Variants in INPP5D observed in about 807,000 individuals in gnomAD.
The protein encoded by INPP5D is phosphatidylinositol 3,4,5-trisphosphate 5-phosphatase 1.
INPP5D carries 33 observed loss-of-function variants against 122.9 expected under a neutral mutation model. That is an observed-to-expected ratio of 0.27 (90% CI 0.20 to 0.36). INPP5D has a LOEUF of 0.36. Ranked by LOEUF, INPP5D falls within the 10% of genes least tolerant of loss-of-function variation. The pLI is 1.00. For missense variants in INPP5D, 1,053 were observed against 1,412.7 expected, an observed-to-expected ratio of 0.75 and a Z score of 4.08; for synonymous variants, 584 against 576.2, an observed-to-expected ratio of 1.01 and a Z score of -0.19.
At chr2:233,061,370 G>T (rs112794938) in intron 1 of INPP5D, among the ~76,000 whole-genome samples, 1 of 152,090 alleles carries the variant, frequency 6.6e-6, no homozygotes, top group South Asian at 2.1e-4. Context: ...CCTGTCCAGC[G>T]TCTGAAGGAG....
intron 5 of INPP5D, among the ~76,000 whole-genome samples, chr2:233,131,426 G>A (rs1050787191): frequency 3.9e-5 from 6 of 152,120 alleles, no homozygotes; most frequent in African/African-American, 1.4e-4. Context: ...GCCGGGTGTG[G>A]TGGCTCACGC....
chr2:233,126,690 C>A (rs1052787277), intron 4 of INPP5D, among the ~76,000 whole-genome samples: 26 of 152,228 alleles, frequency 1.7e-4, no homozygotes, highest in African/African-American at 6.0e-4. Context: ...GAGGCCCAGG[C>A]GGGCAGATCA....
At chr2:233,185,676 G>A (rs997193050) in intron 20 of INPP5D, among the ~76,000 whole-genome samples, 167 bp from the exon 21 acceptor site, 2 of 145,790 alleles carry the variant, frequency 1.4e-5, no homozygotes, top group African/African-American at 2.6e-5. Flanking sequence ...CAGAATCCCC[G>A]GCAGGCCTGA....
intron 9 of INPP5D, among the ~76,000 whole-genome samples, chr2:233,150,247 T>G (rs1336129142): frequency 6.6e-6 from 1 of 152,134 alleles, no homozygotes; most frequent in East Asian, 1.9e-4. Flanking sequence ...TGGGATGAGT[T>G]TTTCCCATGC....
chr2:233,163,710 A>G lies in INPP5D; in HGVS notation c.1244A>G (p.Asn415Ser). The stretch of plus-strand genomic sequence containing the variant: ...GTGTTGGGTTTTGCTGTTGAAGGTA[A>G]CGCCCCCCCTCCCAAGAAGATCACG... Reference protein sequence around the residue: ...TIFIGTWNMGNAPPPKKITSW... With the variant: ...TIFIGTWNMGSAPPPKKITSW... Residue 415 changes from asparagine (N) to serine (S), a missense_variant, in exon 12 of 27, where the codon AAC becomes AGC. By Grantham distance (46) the Asn-to-Ser change is conservative. This residue lies in a region of INPP5D where 105 missense variants were observed against 199.8 expected (regional missense o/e 0.53). Transcript: ENST00000445964. 1 of 1,613,612 alleles carries G rather than the reference A, an allele frequency of 6.2e-7. No homozygotes were observed. The highest frequency in any genetic ancestry group is 1.1e-5 in the South Asian group (1 of 91,046).
intron 9 of INPP5D, among the ~76,000 whole-genome samples, chr2:233,148,386 G>A (rs1349467349): frequency 6.6e-6 from 1 of 152,230 alleles, no homozygotes; most frequent in Non-Finnish European, 1.5e-5. Context: ...TGTAGAAAGG[G>A]CAGACATGGA....
chr2:233,141,576 C>CA (rs1350704524), intron 6 of INPP5D: 5 of 148,390 alleles, frequency 3.4e-5, no homozygotes, highest in Admixed American at 1.4e-4. Flanking sequence ...CCATCTAAAA[C>CA]AGAAAAAAAA....
rs774459981 is a variant in INPP5D, at chr2:233,060,624, C to G, written c.134+12C>G. 7 of 1,613,412 alleles carry G rather than the reference C, an allele frequency of 4.3e-6. No homozygotes were observed. The African/African-American group carries it at 6.7e-5, about 15-fold the overall frequency. The stretch of plus-strand genomic sequence containing the variant: ...GCGCTCTGCGTGCTGTGAGTACAAC[C>G]TGCTCCCTCCCCGGGCACAGATATG... On this transcript the variant is annotated intron_variant, in intron 1 of 26. Coordinates refer to ENST00000445964, the MANE Select transcript of INPP5D (RefSeq NM_001017915.3).
Position 233,098,557 on chromosome 2 carries a change from C to T in INPP5D, c.198+19159C>T, listed in dbSNP as rs116340673. 1.9e-3 allele frequency among the ~76,000 whole-genome samples: 284 copies of T among 152,320 alleles called. 1 individual carries two copies. Among genetic ancestry groups the T allele is most frequent in the African/African-American group, 6.3e-3 (261 of 41,574 alleles). On this transcript the variant is annotated intron_variant, in intron 2 of 26. Coordinates refer to ENST00000445964, the MANE Select transcript of INPP5D (RefSeq NM_001017915.3). ...TCCTATAAAATCCACTCCTGGATCC[C>T]GGTTCTCCCCTCAGGAGATACATGG...
chr2:233,138,171 G>A (rs1050785895), intron 5 of INPP5D, among the ~76,000 whole-genome samples: 10 of 150,584 alleles, frequency 6.6e-5, no homozygotes, highest in Admixed American at 5.3e-4. Context: ...GCAACATGGC[G>A]AAGCCCCGTC....
At chr2:233,120,907 A>T (rs1692950203) in intron 2 of INPP5D, among the ~76,000 whole-genome samples, 1 of 152,144 alleles carries the variant, frequency 6.6e-6, no homozygotes, top group Admixed American at 6.5e-5. Flanking sequence ...ACTATAACAA[A>T]TGAAAAAAAT....
At chr2:233,094,437 C>T (rs1031197659) in intron 2 of INPP5D, among the ~76,000 whole-genome samples, 2 of 129,206 alleles carry the variant, frequency 1.5e-5, no homozygotes, top group Admixed American at 9.2e-5. Context: ...TGCTTGATCC[C>T]GGCAGGTAGA....
At chr2:233,159,580 G>A (rs900743458) in intron 10 of INPP5D, among the ~76,000 whole-genome samples, 22 of 149,352 alleles carry the variant, frequency 1.5e-4, no homozygotes, top group Non-Finnish European at 2.1e-4. Context: ...TGTAGTTTCA[G>A]CTACTTGGGA....
At chr2:233,152,868 G>A (rs1209946048) in intron 9 of INPP5D, among the ~76,000 whole-genome samples, 1 of 152,186 alleles carries the variant, frequency 6.6e-6, no homozygotes, top group South Asian at 2.1e-4. Context: ...TCAGCTGGGG[G>A]GGGTGTGGTG....
At position 233,100,591 on chromosome 2, in the gene INPP5D, G is replaced by A. The variant is rs897692094; in HGVS notation, c.198+21193G>A. 1.3e-5 allele frequency among the ~76,000 whole-genome samples: 2 copies of A among 152,168 alleles called. No homozygotes were observed. The highest frequency in any genetic ancestry group is 4.8e-5 in the African/African-American group (2 of 41,430). ...CCCCCATGGACTCATGGGCACCCCCGGTTGAGCTCGCTCACCCAGAGCTCT... is the reference window on the plus strand; with the variant it reads ...CCCCCATGGACTCATGGGCACCCCCAGTTGAGCTCGCTCACCCAGAGCTCT... On this transcript the variant is annotated intron_variant, in intron 2 of 26. Transcript: ENST00000445964. This position sits in a 1 kb window ranked among gnomAD's most constrained non-coding sequence, Gnocchi z 5.3.
intron 14 of INPP5D, chr2:233,169,808 C>T: frequency 1.3e-6 from 1 of 755,574 alleles, no homozygotes; most frequent in Admixed American, 2.9e-5. Context: ...GTCCCCTGCC[C>T]TCTGTACACC....
In INPP5D at chr2:233,120,667, C is replaced by G. The variant is rs541225599; in HGVS notation, c.199-1440C>G. On this transcript the variant is annotated intron_variant, in intron 2 of 26. Coordinates refer to ENST00000445964, the MANE Select transcript of INPP5D (RefSeq NM_001017915.3). Reference sequence around the variant, plus strand: ...CCTACCAACAGCCTGACCCCTTGCTCCTGTTCAGCTGCCCCTGAGGGCAGG... The same window carrying G: ...CCTACCAACAGCCTGACCCCTTGCTGCTGTTCAGCTGCCCCTGAGGGCAGG... 7 of 152,384 alleles carry G rather than the reference C, an allele frequency of 4.6e-5. No homozygotes were observed. The East Asian group carries it at 1.4e-3, about 29-fold the overall frequency. The allele number at this position is 152,384 out of a possible 1,614,324, so 9.4% of individuals were successfully genotyped here.
At position 233,206,925 on chromosome 2, in the gene INPP5D, C is replaced by T. The variant is rs145488306; in HGVS notation, c.*217C>T. Reference sequence around the variant, plus strand: ...GGCTGGAAGAAAAACGCACACCAGACGGGCAACAAACAGTCTGGGTCCCCA... The same window carrying T: ...GGCTGGAAGAAAAACGCACACCAGATGGGCAACAAACAGTCTGGGTCCCCA... On this transcript the variant is annotated 3_prime_UTR_variant, in exon 27 of 27. Transcript: ENST00000445964. This position sits in a 1 kb window ranked among gnomAD's most constrained non-coding sequence, Gnocchi z 4.0. 135 of 544,210 alleles carry T rather than the reference C, an allele frequency of 2.5e-4. 1 individual carries two copies. The highest frequency in any genetic ancestry group is 1.8e-3 in the African/African-American group (92 of 52,174). 33.7% of individuals were successfully genotyped at this position (544,210 alleles called of 1,614,324 possible). A position where few individuals can be genotyped will look rare whatever the true frequency, so the allele number is the denominator to read the frequency against.
intron 2 of INPP5D, among the ~76,000 whole-genome samples, chr2:233,113,683 C>T (rs72984266): frequency 0.17 from 25,170 of 152,068 alleles, 2,627 homozygotes; most frequent in African/African-American, 0.28. Context: ...GCCACTCTCG[C>T]TGGCTCTCGC....
Sources: allele counts gnomAD v4.1 joint callset (sites outside exome capture counted in the v4.1 genomes callset), GRCh38; gene constraint gnomAD v4.1.1; regional missense constraint gnomAD v4.1.1; non-coding constraint Gnocchi (gnomAD v3.1); transcripts MANE v1.5; gene names NCBI Gene and HGNC (gene_info 2026-07-23, HGNC 2026-07-21).